The following TMEM101 variants were observed in gnomAD, a reference collection of about 807,000 sequenced individuals.
TMEM101 encodes the protein transmembrane protein 101, also known as putative NF-kappa-B-activating protein 130.
A neutral mutation model predicts 26.0 loss-of-function variants in TMEM101; 14 were observed. The observed-to-expected ratio is 0.54, with a 90% CI of 0.36 to 0.84. The LOEUF (loss-of-function observed/expected upper bound fraction) is 0.84, where lower values mean the gene tolerates loss of function less well. Ranked by LOEUF, TMEM101 falls within the 40% of genes least tolerant of loss-of-function variation. The probability of loss-of-function intolerance (pLI) is 0.01; values close to 1 mark genes in which losing one functional copy is unlikely to be tolerated. For missense variants in TMEM101, 292 were observed against 345.1 expected (o/e 0.85, Z 1.22); for synonymous variants, 152 against 145.1 (o/e 1.05, Z -0.34).
chr17:44,016,873 G>A (rs918845605), upstream of TMEM101, among the ~76,000 whole-genome samples: 2 of 152,304 alleles, frequency 1.3e-5, no homozygotes, highest in Non-Finnish European at 2.9e-5. Context: ...GGTGGCTAAC[G>A]CCTGTGATCC....
chr17:44,013,174 AC>A lies in TMEM101; in HGVS notation c.319-20del. 1 of 1,489,956 alleles carries A rather than the reference AC, an allele frequency of 6.7e-7. No individual in the cohort carries two copies. Among genetic ancestry groups the A allele is most frequent in the East Asian group, 2.4e-5 (1 of 41,812 alleles). 92.3% of individuals were successfully genotyped at this position (1,489,956 alleles called of 1,614,324 possible). On this transcript the variant is annotated intron_variant, in intron 2 of 3. Transcript: ENST00000206380. ...TACGGACCTAGGCCGGGGTAAGGGG[AC>A]CCCAGTCAAGAACTGCAGCCGCCAC... is the stretch of plus-strand genomic sequence containing the variant.
chr17:44,013,168 A>G lies in TMEM101; in HGVS notation c.319-13T>C. The G allele has an allele frequency of 6.5e-7, 1 of 1,536,836 alleles. No individual in the cohort carries two copies. Among genetic ancestry groups the G allele is most frequent in the Non-Finnish European group, 8.9e-7 (1 of 1,129,752 alleles). ...AGTACATACGGACCTAGGCCGGGGTAAGGGGACCCCAGTCAAGAACTGCAG... is the reference window on the plus strand; with the variant it reads ...AGTACATACGGACCTAGGCCGGGGTGAGGGGACCCCAGTCAAGAACTGCAG... On this transcript the variant is annotated splice_polypyrimidine_tract_variant and intron_variant, in intron 2 of 3. Coordinates refer to ENST00000206380, the MANE Select transcript of TMEM101 (RefSeq NM_032376.4).
upstream of TMEM101, among the ~76,000 whole-genome samples, chr17:44,016,018 C>G (rs1038985009): frequency 6.6e-6 from 1 of 152,074 alleles, no homozygotes; most frequent in Non-Finnish European, 1.5e-5. Context: ...TTCTCAGCCC[C>G]TTCTCCCACG....
intron 2 of TMEM101, 147 bp downstream of exon 2, chr17:44,014,210 A>G (rs2049196445): frequency 2.2e-6 from 2 of 893,052 alleles, no homozygotes; most frequent in Non-Finnish European, 3.3e-6. Flanking sequence ...GCGCTCTGTA[A>G]TCTCCATAAG....
At chr17:44,015,012 G>T, upstream of TMEM101, 1 of 1,537,030 alleles carries the variant, frequency 6.5e-7, no homozygotes, top group African/African-American at 1.4e-5. Flanking sequence ...CGCGGGGATG[G>T]GACACGCAGC....
At chr17:44,015,038 T>C (rs531900765), upstream of TMEM101, 2 of 1,489,156 alleles carry the variant, frequency 1.3e-6, no homozygotes, top group Non-Finnish European at 9.0e-7. Context: ...GGTCAAGCGC[T>C]TTTTCTTTTT....
chr17:44,020,674 A>C (rs546910539), intron 2 of TMEM101, among the ~76,000 whole-genome samples: 1 of 152,346 alleles, frequency 6.6e-6, no homozygotes, highest in South Asian at 2.1e-4. Flanking sequence ...CTGAGCCAAG[A>C]TCGTGCCACT....
chr17:44,012,028 C>T lies in TMEM101; in HGVS notation c.674G>A (p.Trp225Ter). 1 of 1,614,186 alleles carries T rather than the reference C, an allele frequency of 6.2e-7. No homozygotes were observed. ...GAACTCAACACGCCGCGTGTTGTGC[C>T]AGTAAGCAACATTGCCATCAATGAG... ...MLLIDGNVAY[W>*]HNTRRVEFWN... Residue 225 changes from tryptophan to a stop codon, truncating the protein, a stop_gained, in exon 4 of 4, where the codon TGG (tryptophan) becomes TAG (stop). Transcript: ENST00000206380. LOFTEE classifies it high-confidence loss of function.
upstream of TMEM101, among the ~76,000 whole-genome samples, chr17:44,019,777 T>G (rs77955262): frequency 6.6e-6 from 1 of 152,178 alleles, no homozygotes; most frequent in Non-Finnish European, 1.5e-5. Flanking sequence ...ACAATTGATA[T>G]AGATTACAGA....
chr17:44,014,500 T>A lies in TMEM101; in HGVS notation c.175A>T (p.Met59Leu), dbSNP rs1249891146. 4 of 1,570,952 alleles carry A rather than the reference T, an allele frequency of 2.5e-6. No homozygotes were observed. Among genetic ancestry groups the A allele is most frequent in the Non-Finnish European group, 3.5e-6 (4 of 1,158,044 alleles). ...DIPVPYLYFD[M>L]GAAVLCASFM... Reference sequence around the variant, plus strand: ...CTAGCGCACAGCACGGCTGCCCCCATGTCGAAATACAGGTAAGGCACTGGG... The same window carrying A: ...CTAGCGCACAGCACGGCTGCCCCCAAGTCGAAATACAGGTAAGGCACTGGG... Residue 59 changes from methionine (M) to leucine (L), a missense_variant, in exon 2 of 4, where the codon ATG (methionine) becomes TTG (leucine). Coordinates refer to ENST00000206380, the MANE Select transcript of TMEM101 (RefSeq NM_032376.4).
chr17:44,018,338 A>G (rs1399145788), upstream of TMEM101, among the ~76,000 whole-genome samples: 4 of 152,172 alleles, frequency 2.6e-5, no homozygotes, highest in Non-Finnish European at 5.9e-5. Flanking sequence ...AAAAGTAAAA[A>G]AACACGAGAG....
intron 2 of TMEM101, among the ~76,000 whole-genome samples, chr17:44,013,615 C>T (rs1417198751): frequency 1.3e-5 from 2 of 152,150 alleles, no homozygotes; most frequent in African/African-American, 4.8e-5. Flanking sequence ...GTTGAGACAG[C>T]GTCACTGCAC....
At chr17:44,016,649 T>C (rs1378045072), upstream of TMEM101, among the ~76,000 whole-genome samples, 1 of 152,214 alleles carries the variant, frequency 6.6e-6, no homozygotes, top group Non-Finnish European at 1.5e-5. Flanking sequence ...AATGTGTGGC[T>C]GACTGGAAGC....
intron 2 of TMEM101, 104 bp downstream of exon 2, chr17:44,014,253 G>A: frequency 1.5e-6 from 2 of 1,367,840 alleles, no homozygotes; most frequent in Non-Finnish European, 2.0e-6. Context: ...GCTTCACACT[G>A]TGCAGCTGGC....
At chr17:44,013,593 AG>A (rs2049189560) in intron 2 of TMEM101, among the ~76,000 whole-genome samples, 1 of 152,224 alleles carries the variant, frequency 6.6e-6, no homozygotes, top group Non-Finnish European at 1.5e-5. Flanking sequence ...TGGAAGGCGG[AG>A]GTTGCAGTGA....
chr17:44,021,338 T>C (rs1167172946), exon 2 of TMEM101: 1 of 152,200 alleles, frequency 6.6e-6, no homozygotes, highest in South Asian at 2.1e-4. Flanking sequence ...ATGCCTCTCA[T>C]TGCAAGGTTT....
At chr17:44,013,567 G>A (rs2049189128) in intron 2 of TMEM101, among the ~76,000 whole-genome samples, 1 of 152,196 alleles carries the variant, frequency 6.6e-6, no homozygotes, top group East Asian at 1.9e-4. Flanking sequence ...ACTGAGGCAG[G>A]AGAATCGTTT....
In TMEM101 at chr17:44,012,062, CA is replaced by C. The variant is rs2144004165; in HGVS notation, c.639del (p.Val214SerfsTer24). 2 of 1,614,238 alleles carry C rather than the reference CA, an allele frequency of 1.2e-6. No individual in the cohort carries two copies. Among genetic ancestry groups the C allele is most frequent in the East Asian group, 2.2e-5 (1 of 44,886 alleles). On this transcript the variant is annotated frameshift_variant, in exon 4 of 4. Transcript: ENST00000206380. LOFTEE classifies it high-confidence loss of function. ...AAQILAVLLPPVMLLIDGNVA... is the reference protein window; with the variant it reads ...AAQILAVLLPXVMLLIDGNVA... ...ACATTGCCATCAATGAGCAGCATGA[CA>C]GGGGGCAGCAGTACAGCCAGGATCT...
chr17:44,023,028 T>C, intron 1 of TMEM101: 2 of 312,830 alleles, frequency 6.4e-6, no homozygotes, highest in South Asian at 5.2e-5. Flanking sequence ...GATATATATA[T>C]TTACACTCAC....
Sources: allele counts gnomAD v4.1 joint callset (sites outside exome capture counted in the v4.1 genomes callset), GRCh38; gene constraint gnomAD v4.1.1; transcripts MANE v1.5; gene names NCBI Gene and HGNC (gene_info 2026-07-23, HGNC 2026-07-21).